VWC2L: variants seen among roughly 807,000 people sequenced by gnomAD.
VWC2L encodes the protein von Willebrand factor C domain containing 2 like.
A neutral mutation model predicts 21.6 loss-of-function variants in VWC2L; 10 were observed. The ratio of observed to expected loss-of-function variants is 0.46; its 90% CI spans 0.29 to 0.78. VWC2L has a LOEUF of 0.78. VWC2L is among the 30% of genes least tolerant of loss of function. The pLI, the probability that VWC2L is intolerant of heterozygous loss-of-function variation, is 0.10. For missense variants in VWC2L, 209 were observed against 277.1 expected (o/e 0.75, Z 1.74); for synonymous variants, 96 against 94.3 (o/e 1.02, Z -0.10).
chr2:214,522,244 G>A (rs1689252951), intron 3 of VWC2L, among the ~76,000 whole-genome samples: 1 of 151,856 alleles, frequency 6.6e-6, no homozygotes. Flanking sequence ...GCGTGGTGGC[G>A]GGAGCCTGTA....
chr2:214,568,514 G>A (rs1690102308), intron 3 of VWC2L, among the ~76,000 whole-genome samples: 1 of 152,148 alleles, frequency 6.6e-6, no homozygotes, highest in Admixed American at 6.5e-5. Flanking sequence ...ACATGGCTGG[G>A]GAGGCCTCAC....
intron 3 of VWC2L, among the ~76,000 whole-genome samples, chr2:214,566,956 T>C (rs1356573774): frequency 2.6e-5 from 4 of 152,156 alleles, no homozygotes; most frequent in African/African-American, 9.7e-5. Flanking sequence ...TCCAACTCAA[T>C]TCAACCCCAC....
chr2:214,507,710 C>CG (rs1688986892), intron 3 of VWC2L, among the ~76,000 whole-genome samples: 1 of 152,102 alleles, frequency 6.6e-6, no homozygotes, highest in South Asian at 2.1e-4. Flanking sequence ...ACTATAACAT[C>CG]ATCTATATTA....
At chr2:214,526,687 A>G (rs1689344102) in intron 3 of VWC2L, among the ~76,000 whole-genome samples, 1 of 152,146 alleles carries the variant, frequency 6.6e-6, no homozygotes, top group South Asian at 2.1e-4. Context: ...TAATTACCAC[A>G]TGTTAGCCAG....
chr2:214,485,170 A>T (rs1309532417), intron 3 of VWC2L, among the ~76,000 whole-genome samples: 1 of 152,104 alleles, frequency 6.6e-6, no homozygotes, highest in Admixed American at 6.6e-5. Context: ...TACAAAAAAA[A>T]TTAGCTGGGC....
At chr2:214,444,368 T>C (rs1702807089) in intron 3 of VWC2L, among the ~76,000 whole-genome samples, 1 of 151,760 alleles carries the variant, frequency 6.6e-6, no homozygotes, top group South Asian at 2.1e-4. Context: ...CCAGAGAAAA[T>C]GAATAAACAT....
chr2:214,466,705 T>A (rs1703222636), intron 3 of VWC2L, among the ~76,000 whole-genome samples: 1 of 152,220 alleles, frequency 6.6e-6, no homozygotes, highest in African/African-American at 2.4e-5. Context: ...TACTGCAATA[T>A]CTAACCTGTT....
chr2:214,525,650 A>G (rs1348433642), intron 3 of VWC2L, among the ~76,000 whole-genome samples: 3 of 152,166 alleles, frequency 2.0e-5, no homozygotes, highest in Admixed American at 6.5e-5. Flanking sequence ...TCACATCCCT[A>G]CCATGCTCCC....
chr2:214,552,188 C>G (rs1039754291), intron 3 of VWC2L, among the ~76,000 whole-genome samples: 1 of 152,202 alleles, frequency 6.6e-6, no homozygotes, highest in East Asian at 1.9e-4. Flanking sequence ...AACCTGCAAC[C>G]TTTCCTCACT....
At chr2:214,466,405 T>A (rs1703217829) in intron 3 of VWC2L, among the ~76,000 whole-genome samples, 2 of 152,204 alleles carry the variant, frequency 1.3e-5, no homozygotes, top group Non-Finnish European at 2.9e-5. Context: ...CTGCTTTTAA[T>A]GTTTCTCTAT....
At position 214,414,551 on chromosome 2, in the gene VWC2L, G is replaced by A. The variant is rs1438720272; in HGVS notation, c.358G>A (p.Gly120Arg). 2.5e-6 allele frequency: 4 copies of A among 1,612,588 alleles called. No homozygotes were observed. Among genetic ancestry groups the A allele is most frequent in the Non-Finnish European group, 2.5e-6 (3 of 1,179,498 alleles). The part of the protein sequence containing the change: ...KEVKNFCEYH[G>R]KNYKILEEFK... ...AGTAAAAAACTTCTGTGAATATCACGGGAAAAATTACAAAATCTTGGAGGA... is the reference window on the plus strand; with the variant it reads ...AGTAAAAAACTTCTGTGAATATCACAGGAAAAATTACAAAATCTTGGAGGA... Residue 120 changes from glycine to arginine, a missense_variant, in exon 2 of 4, where the codon GGG becomes AGG. Gly to Arg is a moderately radical substitution (Grantham distance 125). Transcript: ENST00000312504.
At chr2:214,451,553 C>T (rs902421128) in intron 3 of VWC2L, among the ~76,000 whole-genome samples, 7 of 152,034 alleles carry the variant, frequency 4.6e-5, no homozygotes, top group African/African-American at 1.7e-4. Flanking sequence ...AGATAGTATT[C>T]AGGTTAAGCT....
At chr2:214,544,093 C>T (rs936703979) in intron 3 of VWC2L, among the ~76,000 whole-genome samples, 1 of 152,126 alleles carries the variant, frequency 6.6e-6, no homozygotes, top group Non-Finnish European at 1.5e-5. Flanking sequence ...TCAGAAAGAT[C>T]ACACATCTGA....
intron 3 of VWC2L, among the ~76,000 whole-genome samples, chr2:214,493,230 A>T (rs572883278): frequency 6.6e-6 from 1 of 152,318 alleles, no homozygotes; most frequent in East Asian, 1.9e-4. Flanking sequence ...GAAGAACTTT[A>T]TGGCTTCTGA....
At chr2:214,459,902 C>CTTTTTTTTT (rs57351904) in intron 3 of VWC2L, among the ~76,000 whole-genome samples, 116 of 85,154 alleles carry the variant, frequency 1.4e-3, no homozygotes, top group African/African-American at 2.0e-3. Context: ...TTTCCTTTGA[C>CTTTTTTTTT]TTTTTTTTTT....
At position 214,414,365 on chromosome 2, in the gene VWC2L, G is replaced by A. The variant is rs768008280; in HGVS notation, c.172G>A (p.Gly58Ser). 4 of 1,613,546 alleles carry A rather than the reference G, an allele frequency of 2.5e-6. No individual in the cohort carries two copies. The highest frequency in any genetic ancestry group is 2.2e-5 in the East Asian group (1 of 44,848). ...AGGGAAAGGGTGTGTCGATGACAGC[G>A]GCTTTGTATACAAGTTGGGAGAACG... Reference protein sequence around the residue: ...YRGKGCVDDSGFVYKLGERFF... With the variant: ...YRGKGCVDDSSFVYKLGERFF... Residue 58 changes from glycine to serine, a missense_variant, in exon 2 of 4, where the codon GGC becomes AGC. Coordinates refer to ENST00000312504, the MANE Select transcript of VWC2L (RefSeq NM_001080500.4).
intron 1 of VWC2L, among the ~76,000 whole-genome samples, chr2:214,412,647 T>C (rs1256823414): frequency 1.3e-5 from 2 of 152,048 alleles, no homozygotes; most frequent in African/African-American, 4.8e-5. Context: ...ATATCAGCTT[T>C]CTCCAGAAAG....
At chr2:214,507,072 T>C (rs987451976) in intron 3 of VWC2L, among the ~76,000 whole-genome samples, 3 of 152,150 alleles carry the variant, frequency 2.0e-5, no homozygotes, top group Admixed American at 1.3e-4. Flanking sequence ...TTCTTTGAAG[T>C]GACAAATACT....
chr2:214,473,350 T>C (rs1574584238), intron 3 of VWC2L, among the ~76,000 whole-genome samples: 1 of 152,168 alleles, frequency 6.6e-6, no homozygotes, highest in Admixed American at 6.5e-5. Context: ...TTGAAGGCAA[T>C]AGTAGTTTAT....
Sources: gnomAD v4.1 joint callset for allele counts (sites outside exome capture counted in the v4.1 genomes callset) on GRCh38, gnomAD v4.1.1 for gene constraint, MANE v1.5 for transcripts, NCBI Gene and HGNC (gene_info 2026-07-23, HGNC 2026-07-21) for gene names.